Variants in RASA3 observed in about 807,000 individuals in gnomAD.
The protein encoded by RASA3 is ras GTPase-activating protein 3.
In RASA3, 73 loss-of-function variants were observed where a neutral mutation model predicts 110.0. The observed-to-expected ratio is 0.66, with a 90% CI of 0.55 to 0.81. The LOEUF is 0.81. Ranked by LOEUF, RASA3 falls within the 30% of genes least tolerant of loss-of-function variation. RASA3 has a pLI of 0.00. For missense variants in RASA3, 976 were observed against 1,113.2 expected, an observed-to-expected ratio of 0.88 and a Z score of 1.75; for synonymous variants, 500 against 451.4, an observed-to-expected ratio of 1.11 and a Z score of -1.37.
intron 1 of RASA3, among the ~76,000 whole-genome samples, chr13:114,119,560 CT>C (rs1357679149): frequency 1.1e-4 from 12 of 111,978 alleles, no homozygotes; most frequent in South Asian, 7.2e-4. Flanking sequence ...GGGCCCCTCC[CT>C]CTCTCCAGCC....
chr13:114,001,072 T>C, intron 18 of RASA3, 140 bp from the exon 19 acceptor site: 1 of 638,420 alleles, frequency 1.6e-6, no homozygotes, highest in Non-Finnish European at 2.8e-6. Flanking sequence ...TTACTCCGAG[T>C]GATGAGATTA....
At chr13:113,992,159 G>A (rs1484518422) in intron 22 of RASA3, among the ~76,000 whole-genome samples, 2 of 152,074 alleles carry the variant, frequency 1.3e-5, no homozygotes, top group Non-Finnish European at 2.9e-5. Context: ...ACTCACATAC[G>A]TGTCCACACA....
At chr13:114,013,761 TCTCTCTGTCTCTCTCC>T (rs1370944563) in intron 14 of RASA3, among the ~76,000 whole-genome samples, 95 of 133,786 alleles carry the variant, frequency 7.1e-4, no homozygotes, top group Admixed American at 1.9e-3. Context: ...TCTCTCTCCA[TCTCTCTGTCTCTCTCC>T]CTCTCTGTCT....
At chr13:114,036,444 C>T (rs1417546884) in intron 4 of RASA3, among the ~76,000 whole-genome samples, 1 of 152,240 alleles carries the variant, frequency 6.6e-6, no homozygotes, top group Non-Finnish European at 1.5e-5. Context: ...CATGGAGCCA[C>T]ATGGCTACCC....
chr13:114,097,555 T>A (rs1384151797), intron 1 of RASA3, among the ~76,000 whole-genome samples: 2 of 152,202 alleles, frequency 1.3e-5, no homozygotes, highest in African/African-American at 2.4e-5. Flanking sequence ...CAGAAGTGTC[T>A]TCCTGAAGCA....
Position 113,979,238 on chromosome 13 carries a change from G to A in RASA3, c.*109C>T. 9.2e-7 allele frequency: 1 copy of A among 1,081,590 alleles called. No homozygotes were observed. Among genetic ancestry groups the A allele is most frequent in the Non-Finnish European group, 1.4e-6 (1 of 710,530 alleles). 67.0% of individuals were successfully genotyped at this position (1,081,590 alleles called of 1,614,324 possible). ...CGCCACTTGTCTATGGGCCGGGACG[G>A]CGTGCATCTCACTTTGCCGGCTCTG... On this transcript the variant is annotated 3_prime_UTR_variant, in exon 24 of 24. Coordinates refer to ENST00000334062, the MANE Select transcript of RASA3 (RefSeq NM_007368.4).
At chr13:114,023,790 G>A (rs1185657301) in intron 8 of RASA3, among the ~76,000 whole-genome samples, 2 of 152,242 alleles carry the variant, frequency 1.3e-5, no homozygotes, top group Non-Finnish European at 2.9e-5. Context: ...ACCATACACA[G>A]GAAACATGAA....
At chr13:113,989,570 CATCT>C (rs1319960412) in intron 22 of RASA3, among the ~76,000 whole-genome samples, 3 of 151,182 alleles carry the variant, frequency 2.0e-5, no homozygotes, top group Non-Finnish European at 3.0e-5. Flanking sequence ...ATCACTCATC[CATCT>C]ATCCACCCAT....
intron 1 of RASA3, among the ~76,000 whole-genome samples, chr13:114,121,453 G>C (rs2139790420): frequency 6.6e-6 from 1 of 152,304 alleles, no homozygotes; most frequent in South Asian, 2.1e-4. Context: ...GCCAACAGAA[G>C]CCCACCGGAG....
At chr13:114,040,737 G>A (rs532728791) in intron 4 of RASA3, among the ~76,000 whole-genome samples, 56 of 148,584 alleles carry the variant, frequency 3.8e-4, no homozygotes, top group African/African-American at 1.3e-3. Flanking sequence ...GAGCACAAGC[G>A]GGCGAACATG....
At chr13:113,995,835 G>T (rs2053233605) in intron 21 of RASA3, among the ~76,000 whole-genome samples, 1 of 32,928 alleles carries the variant, frequency 3.0e-5, no homozygotes. Flanking sequence ...CCCGGCTGAC[G>T]GGGGGCCCGG....
chr13:114,016,526 G>A (rs9590411), intron 12 of RASA3, among the ~76,000 whole-genome samples: 22,162 of 152,208 alleles, frequency 0.15, 1,879 homozygotes, highest in Middle Eastern at 0.21. Flanking sequence ...GCTGCGGAGG[G>A]ACAAGTGAGA....
chr13:114,048,432 C>T lies in RASA3; in HGVS notation c.277+3620G>A, dbSNP rs1042518395. On this transcript the variant is annotated intron_variant, in intron 3 of 23. Coordinates refer to ENST00000334062, the MANE Select transcript of RASA3 (RefSeq NM_007368.4). This position sits in a 1 kb window ranked among gnomAD's most constrained non-coding sequence, Gnocchi z 4.3. Reference sequence around the variant, plus strand: ...GCAAATGGAGGGGGACATGGTGCTACCAGAGCCGGGGCCCAGAGGAAGGTG... The same window carrying T: ...GCAAATGGAGGGGGACATGGTGCTATCAGAGCCGGGGCCCAGAGGAAGGTG... Among the ~76,000 whole-genome samples, 2 of 152,096 alleles carry T rather than the reference C, an allele frequency of 1.3e-5. No homozygotes were observed. Among genetic ancestry groups the T allele is most frequent in the African/African-American group, 4.8e-5 (2 of 41,424 alleles).
intron 2 of RASA3, among the ~76,000 whole-genome samples, chr13:114,063,012 G>A (rs1566542267): frequency 1.3e-5 from 2 of 152,210 alleles, no homozygotes; most frequent in African/African-American, 4.8e-5. Flanking sequence ...GCTGCAGGCC[G>A]GAAACTGGAG....
intron 21 of RASA3, among the ~76,000 whole-genome samples, chr13:113,996,081 TG>T (rs1254075960): frequency 1.4e-4 from 2 of 14,624 alleles, no homozygotes; most frequent in Admixed American, 6.6e-4. Flanking sequence ...GCCCGGCTGA[TG>T]GGGGGCCCGG....
At chr13:114,102,362 C>T (rs946601961) in intron 1 of RASA3, among the ~76,000 whole-genome samples, 4 of 151,706 alleles carry the variant, frequency 2.6e-5, no homozygotes, top group Non-Finnish European at 5.9e-5. Context: ...TGGGGGAGAG[C>T]GAGAGTGAAG....
intron 23 of RASA3, among the ~76,000 whole-genome samples, chr13:113,979,666 A>G (rs1484138623): frequency 6.6e-6 from 1 of 152,156 alleles, no homozygotes; most frequent in Admixed American, 6.5e-5. Context: ...GCACGTGTGT[A>G]GCGCATATAC....
intron 1 of RASA3, among the ~76,000 whole-genome samples, chr13:114,107,937 G>A (rs955257723): frequency 1.3e-5 from 2 of 152,064 alleles, no homozygotes; most frequent in Non-Finnish European, 1.5e-5. Flanking sequence ...CTCCACGGCC[G>A]CCTCAGAGGG....
chr13:114,092,484 C>A (rs145917082), intron 1 of RASA3, among the ~76,000 whole-genome samples: 1 of 152,106 alleles, frequency 6.6e-6, no homozygotes, highest in African/African-American at 2.4e-5. Flanking sequence ...CAAAGTTCCT[C>A]TTGCTATGGT....
Sources: gnomAD v4.1 joint callset for allele counts (sites outside exome capture counted in the v4.1 genomes callset) on GRCh38, gnomAD v4.1.1 for gene constraint, Gnocchi (gnomAD v3.1) non-coding constraint, MANE v1.5 for transcripts, NCBI Gene and HGNC (gene_info 2026-07-23, HGNC 2026-07-21) for gene names.